The following TBPL2 variants were observed in gnomAD, a reference collection of about 807,000 sequenced individuals.
TBPL2 encodes TATA-box binding protein like 2.
A neutral mutation model predicts 38.2 loss-of-function variants in TBPL2; 40 were observed. That is an observed-to-expected ratio of 1.05 (90% CI 0.81 to 1.36). The LOEUF (loss-of-function observed/expected upper bound fraction) is 1.36, where lower values mean the gene tolerates loss of function less well. Ranked by LOEUF, TBPL2 falls within the 40% of genes most tolerant of loss-of-function variation. The probability of loss-of-function intolerance (pLI) is 0.00; values close to 1 mark genes in which losing one functional copy is unlikely to be tolerated. For missense variants in TBPL2, 461 were observed against 456.7 expected (o/e 1.01, Z -0.09); for synonymous variants, 169 against 171.7 (o/e 0.98, Z 0.12).
At chr14:55,436,910 C>T (rs1251417838) in exon 2 of TBPL2, 1 of 1,614,214 alleles carries the variant, frequency 6.2e-7, no homozygotes, top group East Asian at 2.2e-5. Context: ...GTTTCTTTGA[C>T]TTCAGGGTTC....
chr14:55,435,842 GT>G lies in TBPL2; in HGVS notation c.696+4del. 1 of 1,544,618 alleles carries G rather than the reference GT, an allele frequency of 6.5e-7. No homozygotes were observed. The highest frequency in any genetic ancestry group is 2.3e-5 in the Admixed American group (1 of 43,812). On this transcript the variant is annotated splice_donor_region_variant and intron_variant, in intron 3 of 6. Coordinates refer to ENST00000247219, the Ensembl canonical transcript of TBPL2. Reference sequence around the variant, plus strand: ...ATTATTGGAAGGAATACTGAGAAATGTTACCTTTGGGTTATATTCTGCATTT... The same window carrying G: ...ATTATTGGAAGGAATACTGAGAAATGTACCTTTGGGTTATATTCTGCATTT...
At chr14:55,432,935 T>C (rs777029329) in intron 4 of TBPL2, among the ~76,000 whole-genome samples, 6 of 152,194 alleles carry the variant, frequency 3.9e-5, no homozygotes, top group Non-Finnish European at 8.8e-5. Context: ...GAATGTCTAA[T>C]TGAGCTCCTT....
At chr14:55,424,711 T>C (rs1327656051) in intron 5 of TBPL2, among the ~76,000 whole-genome samples, 1 of 152,262 alleles carries the variant, frequency 6.6e-6, no homozygotes, top group Non-Finnish European at 1.5e-5. Flanking sequence ...TCTAGGCCAC[T>C]GCTATTTGTA....
In TBPL2 at chr14:55,440,031, C is replaced by T. The variant is rs368738700; in HGVS notation, c.150+365G>A. On this transcript the variant is annotated intron_variant, in intron 1 of 6. Transcript: ENST00000247219. ...ACGAGAATCGCTTGAACCCAGGAGG[C>T]GGAGGTTGCAGTGAGCTGAGATCGC... Among the ~76,000 whole-genome samples, 27 of 151,466 alleles carry T rather than the reference C, an allele frequency of 1.8e-4. 1 individual carries two copies. The highest frequency in any genetic ancestry group is 6.3e-4 in the African/African-American group (26 of 41,230).
At chr14:55,432,261 A>AG (rs1463115979) in intron 4 of TBPL2, among the ~76,000 whole-genome samples, 2 of 151,462 alleles carry the variant, frequency 1.3e-5, no homozygotes, top group Admixed American at 1.3e-4. Flanking sequence ...AAAAAAAAAA[A>AG]AATTAGCCAG....
chr14:55,424,296 A>T, intron 5 of TBPL2, 43 bp from the exon 6 acceptor site: 2 of 1,316,006 alleles, frequency 1.5e-6, no homozygotes, highest in Non-Finnish European at 1.1e-6. Flanking sequence ...AGCACTATTC[A>T]GCTCCTTTCC....
In TBPL2 at chr14:55,436,900, G is replaced by C. The variant is rs150703234; in HGVS notation, c.269C>G (p.Thr90Arg). 64 of 1,614,222 alleles carry C rather than the reference G, an allele frequency of 4.0e-5. No individual in the cohort carries two copies. In the African/African-American group the frequency reaches 7.5e-4, roughly 19 times the overall value. Residue 90 changes from threonine (T) to arginine (R), a missense_variant, in exon 2 of 7, where the codon ACA becomes AGA. Physicochemically the swap from Thr to Arg is moderately conservative, Grantham distance 71 (BLOSUM62 -1). Coordinates refer to ENST00000247219, the Ensembl canonical transcript of TBPL2. ...ATCCACAGATGAGAAATCACCAGAT[G>C]TTTCTTTGACTTCAGGGTTCGAATT...
intron 6 of TBPL2, among the ~76,000 whole-genome samples, chr14:55,421,620 T>C (rs1366360001): frequency 1.3e-5 from 2 of 152,282 alleles, no homozygotes; most frequent in South Asian, 2.1e-4. Context: ...CCTGCCACCA[T>C]GCCCAGCTAA....
At chr14:55,419,751 G>A (rs1885715776) in intron 6 of TBPL2, among the ~76,000 whole-genome samples, 1 of 152,190 alleles carries the variant, frequency 6.6e-6, no homozygotes, top group African/African-American at 2.4e-5. Context: ...TGATACAATG[G>A]TTTCAAATTG....
At position 55,428,119 on chromosome 14, in the gene TBPL2, CTTTTTTTTTT is replaced by C. The variant is rs567342581; in HGVS notation, c.956+678_956+687del. 9.9e-4 allele frequency among the ~76,000 whole-genome samples: 43 copies of C among 43,354 alleles called. No homozygotes were observed. In the East Asian group the frequency reaches 0.01, roughly 10 times the overall value. The allele number at this position is 43,354 out of a possible 152,430, so 28.4% of individuals were successfully genotyped here. A position where few individuals can be genotyped will look rare whatever the true frequency, so the allele number is the denominator to read the frequency against. The stretch of plus-strand genomic sequence containing the variant: ...GCCTAGTCCATTTCACATGCCTTAT[CTTTTTTTTTT>C]TTTTTTTTTTTTTTTTTTGAGACGG... On this transcript the variant is annotated intron_variant, in intron 5 of 6. Coordinates refer to ENST00000247219, the Ensembl canonical transcript of TBPL2.
intron 6 of TBPL2, among the ~76,000 whole-genome samples, chr14:55,421,103 G>A (rs1317980510): frequency 6.6e-6 from 1 of 151,714 alleles, no homozygotes; most frequent in African/African-American, 2.4e-5. Flanking sequence ...GGGGTAGGTG[G>A]GAAAGCTGAT....
intron 5 of TBPL2, among the ~76,000 whole-genome samples, chr14:55,427,317 A>G (rs1885841470): frequency 6.6e-6 from 1 of 152,326 alleles, no homozygotes; most frequent in South Asian, 2.1e-4. Flanking sequence ...AACATAATCA[A>G]GAGAAAAATA....
At chr14:55,427,480 T>A (rs1218847962) in intron 5 of TBPL2, among the ~76,000 whole-genome samples, 1 of 152,202 alleles carries the variant, frequency 6.6e-6, no homozygotes, top group Non-Finnish European at 1.5e-5. Context: ...ATATGATCCC[T>A]ATCTACTCTA....
rs974857224 is a variant in TBPL2, at chr14:55,416,577, G to C, written c.1052-2122C>G. Among the ~76,000 whole-genome samples the C allele has an allele frequency of 1.7e-4, 26 of 152,302 alleles. No homozygotes were observed. In the East Asian group the frequency reaches 1.7e-3, roughly 10 times the overall value. ...GTTACTGACACACATAAGAGAAACT[G>C]GTTCTTTGGGGTAGAAAAAGCCACA... On this transcript the variant is annotated intron_variant, in intron 6 of 6. Transcript: ENST00000247219.
chr14:55,434,959 G>C (rs148802423), intron 3 of TBPL2, among the ~76,000 whole-genome samples: 2 of 152,070 alleles, frequency 1.3e-5, no homozygotes, highest in African/African-American at 4.8e-5. Context: ...CTGGCAAATC[G>C]TTAAAAGTTG....
exon 2 of TBPL2, chr14:55,436,709 A>T: frequency 6.2e-7 from 1 of 1,614,058 alleles, no homozygotes; most frequent in Non-Finnish European, 8.5e-7. Flanking sequence ...TGTGAATGGG[A>T]ATTTGACAAA....
At chr14:55,417,536 C>T (rs1594788800) in intron 6 of TBPL2, among the ~76,000 whole-genome samples, 1 of 151,588 alleles carries the variant, frequency 6.6e-6, no homozygotes, top group African/African-American at 2.4e-5. Context: ...TCACTGCAAC[C>T]TCTGCCTCCT....
intron 6 of TBPL2, among the ~76,000 whole-genome samples, chr14:55,420,257 G>A (rs1290759536): frequency 6.6e-6 from 1 of 152,236 alleles, no homozygotes; most frequent in Admixed American, 6.5e-5. Flanking sequence ...TTTAAGTAGA[G>A]ACAGGGTCTT....
At chr14:55,429,769 A>C (rs1428841983) in intron 4 of TBPL2, among the ~76,000 whole-genome samples, 1 of 145,734 alleles carries the variant, frequency 6.9e-6, no homozygotes, top group East Asian at 2.0e-4. Context: ...TCCGTCTCAA[A>C]AAAAAAAAAA....
Sources: gnomAD v4.1 joint callset for allele counts (sites outside exome capture counted in the v4.1 genomes callset) on GRCh38, gnomAD v4.1.1 for gene constraint, MANE v1.5 for transcripts, NCBI Gene and HGNC (gene_info 2026-07-23, HGNC 2026-07-21) for gene names.